CELF2: variants seen among roughly 807,000 people sequenced by gnomAD.
CELF2 encodes the protein CUG triplet repeat RNA-binding protein 2.
Under a neutral mutation model 62.6 loss-of-function variants are expected in CELF2, and 8 were observed. The observed-to-expected ratio is 0.13, with a 90% CI of 0.07 to 0.23. CELF2 has a LOEUF of 0.23. CELF2 is among the 10% of genes least tolerant of loss of function. The probability of loss-of-function intolerance (pLI) is 1.00; values close to 1 mark genes in which losing one functional copy is unlikely to be tolerated. For missense variants in CELF2, 333 were observed against 671.0 expected (o/e 0.50, Z 5.56); for synonymous variants, 258 against 250.0 (o/e 1.03, Z -0.30).
In CELF2 at chr10:11,269,699, T is replaced by C. The variant is rs1426769470; in HGVS notation, c.619-967T>C. On this transcript the variant is annotated intron_variant, in intron 6 of 12. Coordinates refer to ENST00000633077, the MANE Select transcript of CELF2 (RefSeq NM_001326342.2). This position sits in a 1 kb window ranked among gnomAD's most constrained non-coding sequence, Gnocchi z 4.4. ...AGGGGGAGACTTCTGCTGAGTTACT[T>C]ACCAAGTGGCAAATGTTGCAAAGGT... is the stretch of plus-strand genomic sequence containing the variant. Among the ~76,000 whole-genome samples the C allele has an allele frequency of 1.3e-5, 2 of 152,180 alleles. No individual in the cohort carries two copies. The highest frequency in any genetic ancestry group is 2.9e-5 in the Non-Finnish European group (2 of 68,036).
intron 1 of CELF2, among the ~76,000 whole-genome samples, chr10:11,006,209 C>A (rs1227226481): frequency 2.0e-5 from 3 of 152,192 alleles, no homozygotes; most frequent in Non-Finnish European, 4.4e-5. Context: ...TTGAACAATG[C>A]AGCTGTCAAA....
At chr10:10,704,979 A>G in the CELF2 span, among the ~76,000 whole-genome samples, 10 of 151,822 alleles carry the variant, frequency 6.6e-5, no homozygotes, top group South Asian at 1.0e-3. Flanking sequence ...CCTTGAGGCC[A>G]GGAATTGAAG....
At chr10:10,490,094 AAAAAT>A in the CELF2 span, among the ~76,000 whole-genome samples, 1 of 69,290 alleles carries the variant, frequency 1.4e-5, no homozygotes, top group South Asian at 5.3e-4. Context: ...TCATGGGGGA[AAAAAT>A]CACTCCTATC....
intron 7 of CELF2, among the ~76,000 whole-genome samples, chr10:11,274,273 C>T (rs3780998): frequency 0.22 from 33,268 of 152,114 alleles, 4,809 homozygotes; most frequent in East Asian, 0.69. Flanking sequence ...AGTTAAGCTG[C>T]GGTTCAGCTG....
At chr10:10,909,757 A>G (rs1380405021) in intron 1 of CELF2, among the ~76,000 whole-genome samples, 1 of 152,240 alleles carries the variant, frequency 6.6e-6, no homozygotes, top group Non-Finnish European at 1.5e-5. Context: ...CAGTGAAATG[A>G]GGTGGATAAA....
chr10:10,604,229 T>G, the CELF2 span, among the ~76,000 whole-genome samples: 1 of 152,182 alleles, frequency 6.6e-6, no homozygotes, highest in East Asian at 1.9e-4. Context: ...AAAAAAGATT[T>G]ACAAACAATA....
At chr10:11,226,963 A>G (rs2066846691) in intron 3 of CELF2, among the ~76,000 whole-genome samples, 1 of 152,172 alleles carries the variant, frequency 6.6e-6, no homozygotes, top group African/African-American at 2.4e-5. Flanking sequence ...TTTCAGTCCC[A>G]ATCCACAATC....
intron 2 of CELF2, among the ~76,000 whole-genome samples, chr10:10,992,336 A>T (rs1592818990): frequency 6.6e-6 from 1 of 152,262 alleles, no homozygotes. Flanking sequence ...GGAACAGCGG[A>T]TTCCCCAGGC....
Position 11,268,337 on chromosome 10 carries a change from A to T in CELF2, c.618+1660A>T, listed in dbSNP as rs1326257849. 6.6e-6 allele frequency among the ~76,000 whole-genome samples: 1 copy of T among 152,146 alleles called. No individual in the cohort carries two copies. Among genetic ancestry groups the T allele is most frequent in the Non-Finnish European group, 1.5e-5 (1 of 68,040 alleles). ...TGTACCCAAATTGGTCTCACCTGAGATAATTTTGAACCTCAATTCTTCAGT... is the reference window on the plus strand; with the variant it reads ...TGTACCCAAATTGGTCTCACCTGAGTTAATTTTGAACCTCAATTCTTCAGT... On this transcript the variant is annotated intron_variant, in intron 6 of 12. Transcript: ENST00000633077. This position sits in a 1 kb window ranked among gnomAD's most constrained non-coding sequence, Gnocchi z 4.7.
chr10:11,288,693 G>A, intron 9 of CELF2, 141 bp downstream of exon 9: 7 of 911,348 alleles, frequency 7.7e-6, no homozygotes, highest in Non-Finnish European at 1.1e-5. Context: ...TATGTCATTG[G>A]GTTATTTTAT....
In CELF2 at chr10:10,983,160, G is replaced by A. The variant is rs891956349; in HGVS notation, c.89+63161G>A. On this transcript the variant is annotated intron_variant, in intron 2 of 13. Coordinates refer to the CELF2 transcript ENST00000636488. This position sits in a 1 kb window ranked among gnomAD's most constrained non-coding sequence, Gnocchi z 5.2. The stretch of plus-strand genomic sequence containing the variant: ...TTATTTTTTTTTCAATTTTTCAGAA[G>A]GCAAGTTCAGACACATAGGTTTATA... 1.8e-4 allele frequency among the ~76,000 whole-genome samples: 28 copies of A among 151,390 alleles called. No homozygotes were observed. The highest frequency in any genetic ancestry group is 6.1e-4 in the African/African-American group (25 of 41,156).
chr10:10,828,991 A>G (rs1181646520), intron 1 of CELF2, among the ~76,000 whole-genome samples: 2 of 152,252 alleles, frequency 1.3e-5, no homozygotes, highest in African/African-American at 4.8e-5. Context: ...AACAGCATAT[A>G]TGTCCAAGAC....
intron 3 of CELF2, among the ~76,000 whole-genome samples, chr10:11,229,976 A>G (rs989255628): frequency 6.6e-6 from 1 of 152,164 alleles, no homozygotes; most frequent in African/African-American, 2.4e-5. Context: ...GTTGACCCCA[A>G]GGGCTAGGTG....
In CELF2 at chr10:11,191,387, G is replaced by A. The variant is rs988545709; in HGVS notation, c.271+25705G>A. 3.3e-5 allele frequency among the ~76,000 whole-genome samples: 5 copies of A among 152,154 alleles called. No individual in the cohort carries two copies. Among genetic ancestry groups the A allele is most frequent in the Admixed American group, 6.5e-5 (1 of 15,280 alleles). Reference sequence around the variant, plus strand: ...AAGGGGCTCCATCACACATGTACCCGTCCTCTATTGTGTGGGAGGTACCCC... The same window carrying A: ...AAGGGGCTCCATCACACATGTACCCATCCTCTATTGTGTGGGAGGTACCCC... On this transcript the variant is annotated intron_variant, in intron 2 of 12. Transcript: ENST00000633077. The surrounding 1 kb of genome is among the most constrained non-coding windows in gnomAD (Gnocchi z 4.1).
the CELF2 span, among the ~76,000 whole-genome samples, chr10:10,690,875 T>C: frequency 6.6e-6 from 1 of 152,108 alleles, no homozygotes; most frequent in South Asian, 2.1e-4. Context: ...TGAAACTCTG[T>C]CTCGAAAAAA....
chr10:10,783,735 C>G, the CELF2 span, among the ~76,000 whole-genome samples: 35 of 152,258 alleles, frequency 2.3e-4, no homozygotes, highest in African/African-American at 8.4e-4. Context: ...GCCTATAATC[C>G]CAGCACTTTG....
intron 2 of CELF2, among the ~76,000 whole-genome samples, chr10:11,179,569 G>C (rs868540126): frequency 1.3e-5 from 2 of 152,340 alleles, no homozygotes; most frequent in South Asian, 4.1e-4. Context: ...CTGTGGAGCA[G>C]AGACATGCTT....
At chr10:11,108,348 G>GTTTTTTTT (rs138546101) in intron 1 of CELF2, among the ~76,000 whole-genome samples, 1 of 149,536 alleles carries the variant, frequency 6.7e-6, no homozygotes, top group Non-Finnish European at 1.5e-5. Context: ...CTGGTTCACT[G>GTTTTTTTT]TTTTTTTGTT....
chr10:11,136,881 A>G (rs1397257416), intron 1 of CELF2, among the ~76,000 whole-genome samples: 1 of 152,246 alleles, frequency 6.6e-6, no homozygotes, highest in Non-Finnish European at 1.5e-5. Flanking sequence ...TTTGAAACAC[A>G]GGCCACCTCT....
Sources: gnomAD v4.1 joint callset for allele counts (sites outside exome capture counted in the v4.1 genomes callset) on GRCh38, gnomAD v4.1.1 for gene constraint, Gnocchi (gnomAD v3.1) non-coding constraint, MANE v1.5 for transcripts, NCBI Gene and HGNC (gene_info 2026-07-23, HGNC 2026-07-21) for gene names.